The following MAGI2 variants were observed in gnomAD, a reference collection of about 807,000 sequenced individuals.
The protein encoded by MAGI2 is membrane associated guanylate kinase, WW and PDZ domain containing 2.
Under a neutral mutation model 133.3 loss-of-function variants are expected in MAGI2, and 35 were observed. The ratio of observed to expected loss-of-function variants is 0.26; its 90% CI spans 0.20 to 0.35. The LOEUF (loss-of-function observed/expected upper bound fraction) is 0.35. Among genes scored for constraint, MAGI2 ranks in the 10% least tolerant of loss-of-function variants. The pLI, the probability that MAGI2 is intolerant of heterozygous loss-of-function variation, is 1.00. For synonymous variants in MAGI2, 729 were observed against 710.6 expected (o/e 1.03, Z -0.41); for missense variants, 1,636 against 1,863.4 (o/e 0.88, Z 2.25).
chr7:78,137,682 A>G (rs962254745), intron 16 of MAGI2, among the ~76,000 whole-genome samples: 1 of 152,184 alleles, frequency 6.6e-6, no homozygotes, highest in Non-Finnish European at 1.5e-5. Context: ...CAGACACTGG[A>G]TGAGGTCAAG....
chr7:78,958,500 G>A (rs1404556377), intron 2 of MAGI2, among the ~76,000 whole-genome samples: 1 of 152,090 alleles, frequency 6.6e-6, no homozygotes, highest in Non-Finnish European at 1.5e-5. Flanking sequence ...ATAACTCAAT[G>A]AAAATTGTGA....
At chr7:78,265,010 T>C (rs1793859719) in intron 9 of MAGI2, among the ~76,000 whole-genome samples, 2 of 152,120 alleles carry the variant, frequency 1.3e-5, no homozygotes, top group Admixed American at 1.3e-4. Flanking sequence ...CTCAAAAGAA[T>C]GAAAGGCTTC....
At chr7:78,437,538 A>G (rs1800416866) in intron 6 of MAGI2, among the ~76,000 whole-genome samples, 1 of 152,168 alleles carries the variant, frequency 6.6e-6, no homozygotes, top group South Asian at 2.1e-4. Flanking sequence ...TATTTCATTC[A>G]CCTTTTCATT....
At chr7:78,446,705 A>G (rs1365574623) in intron 6 of MAGI2, among the ~76,000 whole-genome samples, 1 of 37,922 alleles carries the variant, frequency 2.6e-5, no homozygotes, top group Non-Finnish European at 6.9e-5. Flanking sequence ...GTCATTTTAA[A>G]AGGTTCATTA....
At chr7:79,198,519 T>G (rs1471166266) in intron 1 of MAGI2, among the ~76,000 whole-genome samples, 1 of 152,058 alleles carries the variant, frequency 6.6e-6, no homozygotes, top group African/African-American at 2.4e-5. Context: ...ATTACAATAC[T>G]GATCCTAAGA....
At chr7:79,368,093 C>T (rs572281458) in intron 1 of MAGI2, among the ~76,000 whole-genome samples, 115 of 151,870 alleles carry the variant, frequency 7.6e-4, no homozygotes, top group African/African-American at 2.5e-3. Flanking sequence ...TGAGACACGG[C>T]CCTTATAAGA....
chr7:78,228,698 A>T (rs569071985), intron 10 of MAGI2, among the ~76,000 whole-genome samples: 1 of 152,362 alleles, frequency 6.6e-6, no homozygotes, highest in East Asian at 1.9e-4. Context: ...TTATTTAACT[A>T]AAAGTCAGTA....
At chr7:78,703,833 A>T (rs10245307) in intron 2 of MAGI2, among the ~76,000 whole-genome samples, 1 of 31,218 alleles carries the variant, frequency 3.2e-5, no homozygotes, top group Non-Finnish European at 1.1e-4. Flanking sequence ...TACACACACA[A>T]ACACACACAC....
intron 1 of MAGI2, among the ~76,000 whole-genome samples, chr7:79,228,069 G>T (rs930761676): frequency 3.3e-5 from 5 of 151,976 alleles, no homozygotes; most frequent in African/African-American, 1.2e-4. Context: ...TGAAGGCTAG[G>T]TGCCTTGTCT....
chr7:78,515,268 T>C (rs1334915931), intron 4 of MAGI2, among the ~76,000 whole-genome samples: 1 of 152,206 alleles, frequency 6.6e-6, no homozygotes, highest in East Asian at 1.9e-4. Context: ...CTATTAACCA[T>C]CTATCTATCT....
At chr7:78,199,121 G>A (rs561422394) in intron 11 of MAGI2, among the ~76,000 whole-genome samples, 7 of 152,102 alleles carry the variant, frequency 4.6e-5, no homozygotes, top group South Asian at 4.2e-4. Context: ...TTGTGTTACC[G>A]GCCACGTGGT....
chr7:78,751,712 A>G (rs115783669), intron 2 of MAGI2, among the ~76,000 whole-genome samples: 1 of 152,322 alleles, frequency 6.6e-6, no homozygotes, highest in African/African-American at 2.4e-5. Context: ...AACAACTATC[A>G]ACTCAGGACA....
At chr7:78,421,161 TAAG>T (rs897432482) in intron 6 of MAGI2, among the ~76,000 whole-genome samples, 1 of 152,114 alleles carries the variant, frequency 6.6e-6, no homozygotes, top group Non-Finnish European at 1.5e-5. Flanking sequence ...TTCCCATCTG[TAAG>T]AAGGACTCTA....
chr7:79,043,948 C>A (rs1434955142), intron 1 of MAGI2, among the ~76,000 whole-genome samples: 1 of 152,068 alleles, frequency 6.6e-6, no homozygotes, highest in Non-Finnish European at 1.5e-5. Flanking sequence ...GCTTCCCAAC[C>A]AGAAAAAGCC....
At chr7:78,653,208 A>G (rs1811765651) in intron 2 of MAGI2, among the ~76,000 whole-genome samples, 2 of 152,222 alleles carry the variant, frequency 1.3e-5, no homozygotes, top group South Asian at 4.1e-4. Flanking sequence ...TAGTTCAACC[A>G]TTATGGAAAA....
At chr7:79,203,355 G>A (rs554751596) in intron 1 of MAGI2, among the ~76,000 whole-genome samples, 85 of 152,070 alleles carry the variant, frequency 5.6e-4, no homozygotes, top group Admixed American at 1.8e-3. Flanking sequence ...ACTGTACTTA[G>A]AAACAATGTC....
intron 1 of MAGI2, among the ~76,000 whole-genome samples, chr7:79,196,500 T>C (rs1020609626): frequency 5.9e-5 from 9 of 151,964 alleles, no homozygotes; most frequent in African/African-American, 1.7e-4. Flanking sequence ...CTTTCTCTTA[T>C]GCAAATTTAA....
rs1310103817 is a variant in MAGI2 at position 79,135,387 on chromosome 7, C to G, written c.302-128181G>C. ...TGTTTGCTTCTTGTAGCCATCTTATCAAAGGAAGAAACTCTCAGAGACATA... is the reference window on the plus strand; with the variant it reads ...TGTTTGCTTCTTGTAGCCATCTTATGAAAGGAAGAAACTCTCAGAGACATA... On this transcript the variant is annotated intron_variant, in intron 1 of 21. Transcript: ENST00000354212. Among the ~76,000 whole-genome samples, 3 of 152,030 alleles carry G rather than the reference C, an allele frequency of 2.0e-5. No individual in the cohort carries two copies. In the East Asian group the frequency reaches 5.8e-4, roughly 29 times the overall value.
chr7:78,358,778 A>C (rs1332955665), intron 7 of MAGI2: 1 of 190,396 alleles, frequency 5.3e-6, no homozygotes, highest in East Asian at 1.6e-4. Context: ...CAGGAAGAAA[A>C]AGCAGCTCAT....
Sources: gnomAD v4.1 joint callset for allele counts (sites outside exome capture counted in the v4.1 genomes callset) on GRCh38, gnomAD v4.1.1 for gene constraint, MANE v1.5 for transcripts, NCBI Gene and HGNC (gene_info 2026-07-23, HGNC 2026-07-21) for gene names.